Variants in DOCK3 observed in about 807,000 individuals in gnomAD.
DOCK3 encodes dedicator of cytokinesis protein 3.
DOCK3 carries 60 observed loss-of-function variants against 265.6 expected under a neutral mutation model. The observed-to-expected ratio is 0.23, with a 90% CI of 0.18 to 0.28. DOCK3 has a LOEUF of 0.28. Ranked by LOEUF, DOCK3 falls within the 10% of genes least tolerant of loss-of-function variation. DOCK3 has a pLI of 1.00. For missense variants in DOCK3, 1,981 were observed against 2,594.3 expected, an observed-to-expected ratio of 0.76 and a Z score of 5.14; for synonymous variants, 881 against 938.0, an observed-to-expected ratio of 0.94 and a Z score of 1.11.
Position 51,383,722 on chromosome 3 carries a change from G to A in DOCK3, c.*2163G>A, listed in dbSNP as rs2088810616. On this transcript the variant is annotated 3_prime_UTR_variant, in exon 53 of 53. Transcript: ENST00000266037. ...AGAATAAGTCAGTCTGAGGGGAAATGGGAGGCCAGAGATGAGAACCCTTTG... is the reference window on the plus strand; with the variant it reads ...AGAATAAGTCAGTCTGAGGGGAAATAGGAGGCCAGAGATGAGAACCCTTTG... 1 of 152,586 alleles carries A rather than the reference G, an allele frequency of 6.6e-6. No individual in the cohort carries two copies. Among genetic ancestry groups the A allele is most frequent in the Non-Finnish European group, 1.5e-5 (1 of 68,046 alleles). The allele number at this position is 152,586 out of a possible 1,614,324, so 9.5% of individuals were successfully genotyped here. A position where few individuals can be genotyped will look rare whatever the true frequency, so the allele number is the denominator to read the frequency against.
At chr3:51,184,689 C>T (rs1310793879) in intron 12 of DOCK3, among the ~76,000 whole-genome samples, 1 of 152,082 alleles carries the variant, frequency 6.6e-6, no homozygotes, top group Admixed American at 6.5e-5. Flanking sequence ...GTAACGTATG[C>T]ATATAGATAC....
chr3:50,960,814 A>G (rs1412631134), intron 5 of DOCK3, among the ~76,000 whole-genome samples: 2 of 152,120 alleles, frequency 1.3e-5, no homozygotes, highest in Admixed American at 1.3e-4. Context: ...AATAGCTTTT[A>G]TATTTAGACC....
chr3:51,146,687 T>G (rs142777903), intron 10 of DOCK3, 57 bp downstream of exon 10: 595 of 1,461,960 alleles, frequency 4.1e-4, no homozygotes, highest in African/African-American at 3.8e-3. Context: ...TGGCCTGCTA[T>G]GTGGATACTG....
At chr3:50,797,279 C>T (rs1052588021) in intron 2 of DOCK3, among the ~76,000 whole-genome samples, 3 of 151,952 alleles carry the variant, frequency 2.0e-5, no homozygotes, top group Non-Finnish European at 2.9e-5. Context: ...CGCTGTCAGG[C>T]GCAGGCCTGT....
At chr3:51,250,092 A>G (rs1382846313) in intron 22 of DOCK3, among the ~76,000 whole-genome samples, 1 of 151,830 alleles carries the variant, frequency 6.6e-6, no homozygotes, top group African/African-American at 2.4e-5. Context: ...ATTAAGAGTC[A>G]TCACCACTCC....
chr3:51,259,403 T>C (rs1465313433), intron 22 of DOCK3, among the ~76,000 whole-genome samples: 1 of 152,234 alleles, frequency 6.6e-6, no homozygotes, highest in Admixed American at 6.5e-5. Context: ...CATTTTTTTT[T>C]TATTAGAAAA....
At chr3:51,179,584 CA>C (rs541481718) in intron 12 of DOCK3, among the ~76,000 whole-genome samples, 167 of 152,222 alleles carry the variant, frequency 1.1e-3, no homozygotes, top group African/African-American at 3.9e-3. Flanking sequence ...TGTAGAATAG[CA>C]TAAATATAAA....
intron 4 of DOCK3, among the ~76,000 whole-genome samples, chr3:50,908,725 G>A (rs569690390): frequency 1.3e-5 from 2 of 152,102 alleles, no homozygotes; most frequent in East Asian, 1.9e-4. Context: ...TGTAGATATC[G>A]ATCAGGTTCG....
intron 4 of DOCK3, among the ~76,000 whole-genome samples, chr3:50,911,703 TGAGAGAGA>T (rs4028309): frequency 6.7e-6 from 1 of 150,010 alleles, no homozygotes; most frequent in African/African-American, 2.5e-5. Context: ...AATTGTTTTT[TGAGAGAGA>T]GAGAGAGAGA....
At chr3:50,961,207 A>G (rs913023198) in intron 5 of DOCK3, among the ~76,000 whole-genome samples, 2 of 152,076 alleles carry the variant, frequency 1.3e-5, no homozygotes, top group Non-Finnish European at 2.9e-5. Flanking sequence ...TTACATTTTC[A>G]TGTAAGTTTT....
chr3:51,215,994 A>T (rs1452102206), intron 14 of DOCK3, among the ~76,000 whole-genome samples: 2 of 151,624 alleles, frequency 1.3e-5, no homozygotes, highest in Non-Finnish European at 2.9e-5. Context: ...AAAAAAAAAA[A>T]GTTACCAAAA....
intron 5 of DOCK3, among the ~76,000 whole-genome samples, chr3:51,060,328 C>G (rs890044772): frequency 6.6e-6 from 1 of 152,128 alleles, no homozygotes; most frequent in African/African-American, 2.4e-5. Flanking sequence ...CTAAAATTTT[C>G]TCCCATTCTG....
intron 5 of DOCK3, among the ~76,000 whole-genome samples, chr3:51,019,738 G>A (rs1339846004): frequency 6.6e-6 from 1 of 151,522 alleles, no homozygotes; most frequent in Non-Finnish European, 1.5e-5. Context: ...TTGGTTTTCT[G>A]TTTCTGCATT....
chr3:50,692,751 T>C (rs2035336979), intron 1 of DOCK3, among the ~76,000 whole-genome samples: 1 of 152,210 alleles, frequency 6.6e-6, no homozygotes, highest in Non-Finnish European at 1.5e-5. Flanking sequence ...CTGATTTATC[T>C]TTTTTTGTTT....
chr3:51,295,001 A>G (rs1437495705), intron 27 of DOCK3, among the ~76,000 whole-genome samples: 1 of 152,224 alleles, frequency 6.6e-6, no homozygotes, highest in African/African-American at 2.4e-5. Context: ...GATTGTGTTT[A>G]ATAATTATAT....
intron 12 of DOCK3, among the ~76,000 whole-genome samples, chr3:51,163,976 T>C (rs1206844340): frequency 1.3e-5 from 2 of 152,198 alleles, no homozygotes; most frequent in Non-Finnish European, 2.9e-5. Flanking sequence ...TTCTGAATTA[T>C]CTGATACAGT....
chr3:50,884,364 T>G (rs184977083), intron 3 of DOCK3, among the ~76,000 whole-genome samples: 1 of 152,224 alleles, frequency 6.6e-6, no homozygotes, highest in African/African-American at 2.4e-5. Context: ...GTGCTGAGAT[T>G]ACAGGCATGA....
chr3:50,931,961 A>G (rs918342555), intron 4 of DOCK3, among the ~76,000 whole-genome samples: 5 of 152,038 alleles, frequency 3.3e-5, no homozygotes, highest in African/African-American at 1.2e-4. Context: ...GTGTACTGAA[A>G]CTTTTCTGCT....
chr3:51,327,363 G>A (rs1318381003), intron 32 of DOCK3, among the ~76,000 whole-genome samples: 1 of 152,158 alleles, frequency 6.6e-6, no homozygotes, highest in Non-Finnish European at 1.5e-5. Context: ...AGAAACTTGG[G>A]CTTAGAGAGG....
Sources: allele counts gnomAD v4.1 joint callset (sites outside exome capture counted in the v4.1 genomes callset), GRCh38; gene constraint gnomAD v4.1.1; transcripts MANE v1.5; gene names NCBI Gene and HGNC (gene_info 2026-07-23, HGNC 2026-07-21).